The following DLGAP2 variants were observed in gnomAD, a reference collection of about 807,000 sequenced individuals.
The protein encoded by DLGAP2 is disks large-associated protein 2.
A neutral mutation model predicts 100.3 loss-of-function variants in DLGAP2; 26 were observed. The ratio of observed to expected loss-of-function variants is 0.26; its 90% confidence interval spans 0.19 to 0.36. The LOEUF (loss-of-function observed/expected upper bound fraction) is 0.36. Among genes scored for constraint, DLGAP2 ranks in the 10% least tolerant of loss-of-function variants. DLGAP2 has a pLI of 1.00. For synonymous variants in DLGAP2, 886 were observed against 630.1 expected (o/e 1.41, Z -6.08); for missense variants, 1,858 against 1,453.2 (o/e 1.28, Z -4.53).
At chr8:807,254 T>C (rs1179998625) in intron 1 of DLGAP2, among the ~76,000 whole-genome samples, 1 of 151,366 alleles carries the variant, frequency 6.6e-6, no homozygotes, top group Non-Finnish European at 1.5e-5. Context: ...TTTCTTCTCA[T>C]TCATACGTTC....
chr8:1,304,187 G>A (rs982434005), intron 3 of DLGAP2, among the ~76,000 whole-genome samples: 1 of 152,210 alleles, frequency 6.6e-6, no homozygotes, highest in Admixed American at 6.5e-5. Flanking sequence ...TCCTTGAAAG[G>A]AACTGAGAGC....
chr8:1,493,151 G>T (rs1366944432), intron 3 of DLGAP2, among the ~76,000 whole-genome samples: 1 of 152,242 alleles, frequency 6.6e-6, no homozygotes, highest in Non-Finnish European at 1.5e-5. Flanking sequence ...CGTGTAGCAA[G>T]AACTCGGGGA....
At chr8:914,361 G>A (rs1471335846) in intron 2 of DLGAP2, among the ~76,000 whole-genome samples, 1 of 152,194 alleles carries the variant, frequency 6.6e-6, no homozygotes, top group Non-Finnish European at 1.5e-5. Context: ...AAAAAGCCAC[G>A]TTCCTCATAT....
intron 2 of DLGAP2, among the ~76,000 whole-genome samples, chr8:1,208,576 G>A (rs1323964465): frequency 6.6e-6 from 1 of 151,792 alleles, no homozygotes; most frequent in Non-Finnish European, 1.5e-5. Context: ...ACAAGACAAG[G>A]ATGCCCACTT....
At chr8:1,630,902 C>T (rs537524180) in intron 7 of DLGAP2, among the ~76,000 whole-genome samples, 60 of 139,500 alleles carry the variant, frequency 4.3e-4, no homozygotes, top group African/African-American at 2.0e-3. Flanking sequence ...TCCGGGTGTC[C>T]CGAGGGTCTG....
At chr8:1,699,680 G>A (rs564954819) in intron 14 of DLGAP2, among the ~76,000 whole-genome samples, 12 of 152,054 alleles carry the variant, frequency 7.9e-5, no homozygotes, top group East Asian at 7.7e-4. Flanking sequence ...TCCAGAAAGC[G>A]AGCAGATCTC....
chr8:1,246,571 G>C (rs1798905827), intron 2 of DLGAP2, among the ~76,000 whole-genome samples: 1 of 152,200 alleles, frequency 6.6e-6, no homozygotes, highest in East Asian at 1.9e-4. Context: ...TTACTGAGAT[G>C]CACAATGCTT....
chr8:1,575,177 C>T (rs988296621), intron 6 of DLGAP2, among the ~76,000 whole-genome samples: 3 of 152,184 alleles, frequency 2.0e-5, no homozygotes, highest in Non-Finnish European at 4.4e-5. Context: ...TCCACTCACC[C>T]TTTGATGACA....
At chr8:1,545,995 T>C (rs1801522462) in intron 4 of DLGAP2, among the ~76,000 whole-genome samples, 1 of 152,250 alleles carries the variant, frequency 6.6e-6, no homozygotes, top group Non-Finnish European at 1.5e-5. Flanking sequence ...ATGACAACTT[T>C]ATGCAGCTGT....
chr8:1,275,370 A>G (rs1799661718), intron 3 of DLGAP2, among the ~76,000 whole-genome samples: 1 of 151,458 alleles, frequency 6.6e-6, no homozygotes, highest in Non-Finnish European at 1.5e-5. Context: ...GGAAAAAAAA[A>G]AAAACACAAT....
At chr8:1,619,051 C>G (rs553938549) in intron 6 of DLGAP2, among the ~76,000 whole-genome samples, 3 of 152,092 alleles carry the variant, frequency 2.0e-5, no homozygotes, top group Non-Finnish European at 4.4e-5. Flanking sequence ...CATTAAAAGA[C>G]ACAACTAAGA....
intron 8 of DLGAP2, among the ~76,000 whole-genome samples, chr8:1,655,709 A>G (rs1367166840): frequency 6.6e-6 from 1 of 152,226 alleles, no homozygotes; most frequent in Non-Finnish European, 1.5e-5. Context: ...GCTTCTTTCC[A>G]GTAAAATGCT....
intron 2 of DLGAP2, among the ~76,000 whole-genome samples, chr8:1,061,737 C>G (rs1381910251): frequency 6.6e-6 from 1 of 151,844 alleles, no homozygotes; most frequent in South Asian, 2.1e-4. Flanking sequence ...CTTCCCTTCC[C>G]TCTCCCTCCC....
intron 6 of DLGAP2, among the ~76,000 whole-genome samples, chr8:1,617,129 A>C (rs57407874): frequency 6.6e-6 from 1 of 152,096 alleles, no homozygotes; most frequent in Non-Finnish European, 1.5e-5. Context: ...TTATCTGTCT[A>C]CCATTGATGG....
intron 3 of DLGAP2, among the ~76,000 whole-genome samples, chr8:1,450,467 T>TCGGGCA (rs1563156800): frequency 3.8e-5 from 4 of 104,882 alleles, no homozygotes; most frequent in African/African-American, 4.1e-5. Context: ...TGGCTGAGGC[T>TCGGGCA]GAGCTGTGAG....
chr8:1,197,489 C>G (rs1797777010), intron 2 of DLGAP2, among the ~76,000 whole-genome samples: 1 of 152,214 alleles, frequency 6.6e-6, no homozygotes, highest in African/African-American at 2.4e-5. Context: ...TTCCATAAAG[C>G]TAAGCCACAT....
intron 2 of DLGAP2, among the ~76,000 whole-genome samples, chr8:1,044,630 C>T (rs1374823212): frequency 6.6e-6 from 1 of 152,186 alleles, no homozygotes; most frequent in African/African-American, 2.4e-5. Flanking sequence ...CCAGGGTCTC[C>T]TCTCCCATCC....
intron 2 of DLGAP2, among the ~76,000 whole-genome samples, chr8:1,015,194 C>T (rs1390308075): frequency 2.9e-4 from 1 of 3,396 alleles, no homozygotes; most frequent in Non-Finnish European, 1.1e-3. Flanking sequence ...CCAGGACAGA[C>T]GACGCCTCCA....
At chr8:980,174 G>A (rs1174431336) in intron 2 of DLGAP2, among the ~76,000 whole-genome samples, 1 of 152,188 alleles carries the variant, frequency 6.6e-6, no homozygotes, top group African/African-American at 2.4e-5. Flanking sequence ...CTATAACTTG[G>A]AGGGATTCAG....
Sources: gnomAD v4.1 joint callset for allele counts (sites outside exome capture counted in the v4.1 genomes callset) on GRCh38, gnomAD v4.1.1 for gene constraint, MANE v1.5 for transcripts, NCBI Gene and HGNC (gene_info 2026-07-23, HGNC 2026-07-21) for gene names.